ZNF438: variants seen among roughly 807,000 people sequenced by gnomAD.
ZNF438 encodes the protein zinc finger protein 438.
In ZNF438, 25 loss-of-function variants were observed where a neutral mutation model predicts 38.0. The observed-to-expected ratio is 0.66, with a 90% CI of 0.48 to 0.92. The LOEUF (loss-of-function observed/expected upper bound fraction) is 0.92. Among genes scored for constraint, ZNF438 ranks in the 40% least tolerant of loss-of-function variants. The probability of loss-of-function intolerance (pLI) is 0.00; values close to 1 mark genes in which losing one functional copy is unlikely to be tolerated. For synonymous variants in ZNF438, 372 were observed against 364.1 expected (o/e 1.02, Z -0.25); for missense variants, 1,007 against 999.6 (o/e 1.01, Z -0.10).
intron 3 of ZNF438, among the ~76,000 whole-genome samples, chr10:30,901,929 T>TA (rs2134282370): frequency 6.6e-6 from 1 of 152,286 alleles, no homozygotes; most frequent in South Asian, 2.1e-4. Flanking sequence ...CTGTGAGTGT[T>TA]ACAGCTCTTA....
chr10:30,895,707 A>G (rs1042739591), intron 3 of ZNF438, among the ~76,000 whole-genome samples: 1 of 152,240 alleles, frequency 6.6e-6, no homozygotes, highest in African/African-American at 2.4e-5. Context: ...TTGTATAGAC[A>G]TTTCTCTAAA....
intron 4 of ZNF438, among the ~76,000 whole-genome samples, chr10:30,866,019 A>G (rs753391275): frequency 6.6e-6 from 1 of 152,224 alleles, no homozygotes; most frequent in Non-Finnish European, 1.5e-5. Flanking sequence ...CTTCTCTAGC[A>G]ACTTAGCCAA....
chr10:30,889,696 G>A (rs916593956), intron 3 of ZNF438, among the ~76,000 whole-genome samples: 3 of 152,156 alleles, frequency 2.0e-5, no homozygotes, highest in Non-Finnish European at 4.4e-5. Context: ...GTGAGCCACC[G>A]TGTCCGGCAT....
intron 4 of ZNF438, among the ~76,000 whole-genome samples, chr10:30,857,167 T>G (rs2034787679): frequency 6.6e-6 from 1 of 152,118 alleles, no homozygotes; most frequent in Non-Finnish European, 1.5e-5. Context: ...TAAAGTTGTC[T>G]GAATTTATCA....
chr10:30,900,855 C>A (rs2041892400), intron 3 of ZNF438, among the ~76,000 whole-genome samples: 1 of 152,150 alleles, frequency 6.6e-6, no homozygotes, highest in Non-Finnish European at 1.5e-5. Context: ...AAACTTGATT[C>A]AAATAGATGC....
In ZNF438 at chr10:30,903,949, T is replaced by C. The variant is rs185514468; in HGVS notation, c.-32+4984A>G. Among the ~76,000 whole-genome samples, 42 of 151,812 alleles carry C rather than the reference T, an allele frequency of 2.8e-4. No homozygotes were observed. In the East Asian group the frequency reaches 6.4e-3, roughly 23 times the overall value. ...TAAAGATGGAAAGGAGAAATTGGAA[T>C]GTTTTAACTGCAGCCCTCAGAACTT... On this transcript the variant is annotated intron_variant, in intron 3 of 5. Coordinates refer to ENST00000413025, the Ensembl canonical transcript of ZNF438.
intron 4 of ZNF438, among the ~76,000 whole-genome samples, chr10:30,852,146 G>A (rs1456519954): frequency 6.6e-6 from 1 of 151,438 alleles, no homozygotes; most frequent in East Asian, 2.0e-4. Flanking sequence ...CTGGGCAACA[G>A]TCTGAGCGAG....
At chr10:31,031,050 T>C (rs1347303018) in intron 1 of ZNF438, among the ~76,000 whole-genome samples, 1 of 152,212 alleles carries the variant, frequency 6.6e-6, no homozygotes, top group African/African-American at 2.4e-5. Flanking sequence ...ATCCCCATTC[T>C]ATCAAGTTTA....
At chr10:30,986,211 G>T (rs1052065815) in intron 1 of ZNF438, among the ~76,000 whole-genome samples, 6 of 152,070 alleles carry the variant, frequency 3.9e-5, no homozygotes, top group Non-Finnish European at 8.8e-5. Context: ...GCAATGTATG[G>T]CTGTTCACTG....
chr10:30,934,124 C>T (rs779793541), intron 2 of ZNF438, among the ~76,000 whole-genome samples: 13 of 147,150 alleles, frequency 8.8e-5, no homozygotes, highest in Non-Finnish European at 1.5e-4. Flanking sequence ...CCAGCCTGGG[C>T]GACAGAGTGA....
intron 1 of ZNF438, among the ~76,000 whole-genome samples, chr10:30,952,670 A>G (rs371346707): frequency 0.061 from 7,597 of 124,912 alleles, 187 homozygotes; most frequent in Non-Finnish European, 0.087. Flanking sequence ...ATCACTGGCC[A>G]TCAGAGAAAT....
Position 30,936,980 on chromosome 10 carries a change from G to A in ZNF438, c.-115+4595C>T, listed in dbSNP as rs147525389. Among the ~76,000 whole-genome samples the A allele has an allele frequency of 2.6e-5, 4 of 152,200 alleles. No homozygotes were observed. In the East Asian group the frequency reaches 7.7e-4, roughly 29 times the overall value. ...TGTTTCTCACCTGTGGTGAGACTTG[G>A]GACTCCTCAGTGTGTGTACCTTAGC... On this transcript the variant is annotated intron_variant, in intron 2 of 5. Coordinates refer to ENST00000413025, the Ensembl canonical transcript of ZNF438.
At chr10:30,932,032 C>G (rs887874326) in intron 2 of ZNF438, among the ~76,000 whole-genome samples, 1 of 152,124 alleles carries the variant, frequency 6.6e-6, no homozygotes, top group African/African-American at 2.4e-5. Flanking sequence ...TCCTTGGACA[C>G]TCTCCCTGGA....
chr10:30,887,540 C>T (rs2133937269), intron 3 of ZNF438, among the ~76,000 whole-genome samples: 1 of 152,228 alleles, frequency 6.6e-6, no homozygotes, highest in East Asian at 1.9e-4. Context: ...AGATGCCAGC[C>T]ATCACGTCCA....
At chr10:30,902,897 C>T (rs927349711) in intron 3 of ZNF438, among the ~76,000 whole-genome samples, 1 of 152,196 alleles carries the variant, frequency 6.6e-6, no homozygotes, top group African/African-American at 2.4e-5. Context: ...GTGCAGGAGC[C>T]CATGGCAGAG....
At chr10:30,912,453 C>T (rs2043179510) in intron 2 of ZNF438, among the ~76,000 whole-genome samples, 1 of 152,136 alleles carries the variant, frequency 6.6e-6, no homozygotes, top group Non-Finnish European at 1.5e-5. Flanking sequence ...AGGTAAACAT[C>T]ATGTCTCACT....
chr10:31,030,847 C>G (rs752820221), intron 1 of ZNF438, among the ~76,000 whole-genome samples: 2 of 152,142 alleles, frequency 1.3e-5, no homozygotes, highest in Non-Finnish European at 2.9e-5. Flanking sequence ...ACCCCTTGAC[C>G]AAAATATTCA....
intron 1 of ZNF438, among the ~76,000 whole-genome samples, chr10:30,965,901 A>G (rs573666305): frequency 2.0e-5 from 3 of 152,290 alleles, no homozygotes; most frequent in Admixed American, 2.0e-4. Context: ...TGGCACATGT[A>G]ACCCCTGAAT....
intron 1 of ZNF438, among the ~76,000 whole-genome samples, chr10:31,028,616 A>G (rs1190278183): frequency 6.6e-6 from 1 of 152,154 alleles, no homozygotes. Flanking sequence ...GAAAACCCAA[A>G]TGAACTAATC....
Sources: gnomAD v4.1 joint callset for allele counts (sites outside exome capture counted in the v4.1 genomes callset) on GRCh38, gnomAD v4.1.1 for gene constraint, MANE v1.5 for transcripts, NCBI Gene and HGNC (gene_info 2026-07-23, HGNC 2026-07-21) for gene names.